PVT1: variants seen among roughly 807,000 people sequenced by gnomAD.
PVT1 encodes the protein Pvt1 oncogene.
intron 3 of PVT1, among the ~76,000 whole-genome samples, chr8:127,976,640 C>G (rs938944885): frequency 5.3e-5 from 8 of 152,226 alleles, no homozygotes; most frequent in African/African-American, 1.9e-4. Flanking sequence ...GAACATTAAC[C>G]AGGCATCAGG....
At chr8:127,807,131 G>A (rs962657251) in intron 2 of PVT1, among the ~76,000 whole-genome samples, 4 of 152,104 alleles carry the variant, frequency 2.6e-5, no homozygotes, top group Admixed American at 1.3e-4. Flanking sequence ...GTGCAGCCCC[G>A]TTCCTAGGTA....
chr8:128,005,874 C>T (rs1817240669), intron 4 of PVT1, among the ~76,000 whole-genome samples: 1 of 152,082 alleles, frequency 6.6e-6, no homozygotes, highest in African/African-American at 2.4e-5. Context: ...GAGGCCAAGG[C>T]AGGCAGATTA....
chr8:128,066,187 C>T (rs991902635), intron 4 of PVT1, among the ~76,000 whole-genome samples: 1 of 152,202 alleles, frequency 6.6e-6, no homozygotes, highest in Non-Finnish European at 1.5e-5. Flanking sequence ...TTGTTTCTGA[C>T]TCTGCCTTCC....
rs145038543 is a variant in PVT1 at position 127,928,473 on chromosome 8, G to A, written n.782+37475G>A. Among the ~76,000 whole-genome samples the A allele has an allele frequency of 2.5e-3, 379 of 152,294 alleles. 2 individuals are homozygous for A. Among genetic ancestry groups the A allele is most frequent in the African/African-American group, 8.4e-3 (350 of 41,540 alleles). On this transcript the variant is annotated intron_variant and non_coding_transcript_variant, in intron 3 of 10. Coordinates refer to ENST00000651587, the Ensembl canonical transcript of PVT1. ...TCCTGAATTGTCTTCTTTATCATCT[G>A]CTCTGCTCTGCCAGAGCTTAAGCCC...
chr8:127,798,275 G>T (rs188031824), intron 2 of PVT1, among the ~76,000 whole-genome samples: 8 of 151,664 alleles, frequency 5.3e-5, no homozygotes, highest in Non-Finnish European at 1.2e-4. Context: ...TTGTATTCCA[G>T]CCTGGGCAAC....
chr8:127,961,031 T>A (rs1370877062), intron 3 of PVT1, among the ~76,000 whole-genome samples: 1 of 149,164 alleles, frequency 6.7e-6, no homozygotes, highest in Non-Finnish European at 1.5e-5. Context: ...GGACACAGGG[T>A]GCCATAGGCA....
chr8:127,991,277 G>A (rs565939347), intron 4 of PVT1, among the ~76,000 whole-genome samples: 1 of 151,732 alleles, frequency 6.6e-6, no homozygotes, highest in South Asian at 2.1e-4. Flanking sequence ...TGAGTAGCTG[G>A]GACTACAGGT....
At position 127,930,155 on chromosome 8, in the gene PVT1, AATT is replaced by A. The variant is rs1199830706; in HGVS notation, n.782+39167_782+39169del. ...ACCAACCTCTGGTGGGGCGGTGCGGAATTATTATTATTTTTTTTTGGGACAGAG... is the reference window on the plus strand; with the variant it reads ...ACCAACCTCTGGTGGGGCGGTGCGGAATTATTATTTTTTTTTGGGACAGAG... On this transcript the variant is annotated intron_variant and non_coding_transcript_variant, in intron 3 of 10. Transcript: ENST00000651587. Among the ~76,000 whole-genome samples, 11 of 151,974 alleles carry A rather than the reference AATT, an allele frequency of 7.2e-5. No homozygotes were observed. The South Asian group carries it at 1.9e-3, about 26-fold the overall frequency.
intron 3 of PVT1, among the ~76,000 whole-genome samples, chr8:127,980,629 C>T (rs147410613): frequency 7.0e-4 from 107 of 152,270 alleles, no homozygotes; most frequent in African/African-American, 2.3e-3. Context: ...CCTTCATTGA[C>T]GTTTGAACTC....
At chr8:128,037,595 C>T (rs551354454) in intron 4 of PVT1, among the ~76,000 whole-genome samples, 3 of 152,284 alleles carry the variant, frequency 2.0e-5, no homozygotes, top group East Asian at 1.9e-4. Flanking sequence ...CATAAATACA[C>T]GCTAGGCTAG....
chr8:128,009,176 A>C (rs940286824), intron 4 of PVT1, among the ~76,000 whole-genome samples: 2 of 152,230 alleles, frequency 1.3e-5, no homozygotes, highest in African/African-American at 4.8e-5. Flanking sequence ...AGGGTAAGGA[A>C]AAGAGGGGAA....
At chr8:127,984,915 T>TTCTTTCTTTCTTTC (rs1563657635) in intron 3 of PVT1, among the ~76,000 whole-genome samples, 26 of 57,418 alleles carry the variant, frequency 4.5e-4, no homozygotes, top group South Asian at 8.2e-4. Flanking sequence ...CTTTCTTTCT[T>TTCTTTCTTTCTTTC]TCTTTCTCTT....
intron 4 of PVT1, among the ~76,000 whole-genome samples, chr8:127,992,004 C>T (rs2130000466): frequency 6.6e-6 from 1 of 152,104 alleles, no homozygotes; most frequent in South Asian, 2.1e-4. Flanking sequence ...ACCCCAGGCT[C>T]CACTTCCCAC....
At chr8:128,007,756 T>C (rs1288071880) in intron 4 of PVT1, among the ~76,000 whole-genome samples, 2 of 152,238 alleles carry the variant, frequency 1.3e-5, no homozygotes, top group African/African-American at 4.8e-5. Flanking sequence ...TCTACACGTG[T>C]AGGTTTAGGT....
chr8:127,864,998 T>G (rs1176951079), intron 2 of PVT1, among the ~76,000 whole-genome samples: 2 of 152,192 alleles, frequency 1.3e-5, no homozygotes, highest in African/African-American at 4.8e-5. Context: ...AGAACTAGTC[T>G]GAGTGCTTGG....
intron 5 of PVT1, among the ~76,000 whole-genome samples, chr8:128,079,545 G>C (rs917741267): frequency 6.6e-6 from 1 of 152,012 alleles, no homozygotes; most frequent in African/African-American, 2.4e-5. Flanking sequence ...GCATAGTGTT[G>C]TGTACCTACC....
intron 2 of PVT1, among the ~76,000 whole-genome samples, chr8:127,867,966 G>T (rs143547317): frequency 5.9e-5 from 9 of 152,256 alleles, no homozygotes; most frequent in Admixed American, 1.3e-4. Flanking sequence ...CACAGCCCCC[G>T]GGGCATGAGG....
intron 2 of PVT1, among the ~76,000 whole-genome samples, chr8:127,797,403 A>G (rs1357628160): frequency 1.3e-5 from 2 of 152,038 alleles, no homozygotes; most frequent in African/African-American, 2.4e-5. Flanking sequence ...CCCCACCCCA[A>G]TTTATATTCC....
intron 5 of PVT1, among the ~76,000 whole-genome samples, chr8:128,077,831 C>CACAGCCTGGAATCTTTAAGAA (rs1337649733): frequency 6.6e-6 from 1 of 152,222 alleles, no homozygotes; most frequent in Non-Finnish European, 1.5e-5. Flanking sequence ...CATTTTCATT[C>CACAGCCTGGAATCTTTAAGAA]ACAGCCTGGA....
Sources: gnomAD v4.1 joint callset for allele counts (sites outside exome capture counted in the v4.1 genomes callset) on GRCh38, gnomAD v4.1.1 for gene constraint, MANE v1.5 for transcripts, NCBI Gene and HGNC (gene_info 2026-07-23, HGNC 2026-07-21) for gene names.